KLF12: variants seen among roughly 807,000 people sequenced by gnomAD.
The protein encoded by KLF12 is KLF transcription factor 12.
In KLF12, 9 loss-of-function variants were observed where a neutral mutation model predicts 37.8. The observed-to-expected ratio is 0.24, with a 90% CI of 0.14 to 0.42. KLF12 has a LOEUF of 0.42. Ranked by LOEUF, KLF12 falls within the 10% of genes least tolerant of loss-of-function variation. The pLI, the probability that KLF12 is intolerant of heterozygous loss-of-function variation, is 1.00. For synonymous variants in KLF12, 208 were observed against 202.1 expected (o/e 1.03, Z -0.25); for missense variants, 411 against 516.0 (o/e 0.80, Z 1.97).
intron 7 of KLF12, among the ~76,000 whole-genome samples, chr13:73,707,075 T>G (rs755885330): frequency 5.9e-5 from 9 of 152,184 alleles, no homozygotes; most frequent in Non-Finnish European, 1.0e-4. Context: ...TGGGTAGACA[T>G]GCATAGGAGC....
At chr13:73,896,910 T>G (rs1887795172) in intron 3 of KLF12, among the ~76,000 whole-genome samples, 1 of 152,180 alleles carries the variant, frequency 6.6e-6, no homozygotes, top group African/African-American at 2.4e-5. Flanking sequence ...TTCTGTGTTT[T>G]ATTATCCTAA....
At chr13:74,034,289 G>A (rs1291328044) in intron 1 of KLF12, among the ~76,000 whole-genome samples, 1 of 151,944 alleles carries the variant, frequency 6.6e-6, no homozygotes, top group African/African-American at 2.4e-5. Flanking sequence ...GGCTGGTCTT[G>A]AACTCCTTAC....
At chr13:73,836,607 T>A (rs1446904863) in intron 4 of KLF12, among the ~76,000 whole-genome samples, 1 of 152,170 alleles carries the variant, frequency 6.6e-6, no homozygotes, top group East Asian at 1.9e-4. Context: ...GAATAAGAAT[T>A]CCCTTGTAGC....
intron 2 of KLF12, among the ~76,000 whole-genome samples, chr13:73,985,530 G>C (rs746035642): frequency 2.6e-5 from 4 of 152,106 alleles, no homozygotes; most frequent in African/African-American, 4.8e-5. Context: ...CCAGGCTCAG[G>C]GTCCCAAACC....
chr13:73,948,937 T>A (rs1890544597), intron 2 of KLF12, among the ~76,000 whole-genome samples: 1 of 152,214 alleles, frequency 6.6e-6, no homozygotes, highest in Non-Finnish European at 1.5e-5. Flanking sequence ...GTCATTATCT[T>A]GGTAACAAAA....
intron 3 of KLF12, among the ~76,000 whole-genome samples, chr13:73,936,502 A>G (rs1315167155): frequency 6.6e-6 from 1 of 152,140 alleles, no homozygotes; most frequent in Non-Finnish European, 1.5e-5. Flanking sequence ...ATACACAGGA[A>G]GATAAGTACT....
intron 3 of KLF12, among the ~76,000 whole-genome samples, chr13:73,912,798 G>C (rs1300912205): frequency 1.3e-5 from 2 of 152,132 alleles, no homozygotes; most frequent in African/African-American, 2.4e-5. Flanking sequence ...AACTCTTTAA[G>C]CAACAACTTG....
intron 5 of KLF12, among the ~76,000 whole-genome samples, chr13:73,805,703 AG>A (rs1882569233): frequency 6.9e-6 from 1 of 144,672 alleles, no homozygotes; most frequent in African/African-American, 2.7e-5. Context: ...GAAGGAAGGA[AG>A]GAAGGAAGGG....
chr13:74,291,633 A>G, the KLF12 span, among the ~76,000 whole-genome samples: 2 of 152,246 alleles, frequency 1.3e-5, no homozygotes, highest in Non-Finnish European at 2.9e-5. Flanking sequence ...CTGGATTTTA[A>G]CCGGCAGAAA....
At chr13:73,998,446 T>C (rs531839882) in intron 1 of KLF12, among the ~76,000 whole-genome samples, 2 of 152,358 alleles carry the variant, frequency 1.3e-5, no homozygotes, top group South Asian at 2.1e-4. Context: ...GGTAATTTAG[T>C]TGCTCTGTTT....
chr13:74,048,533 C>A (rs1420325451), intron 1 of KLF12, among the ~76,000 whole-genome samples: 1 of 152,024 alleles, frequency 6.6e-6, no homozygotes, highest in Non-Finnish European at 1.5e-5. Context: ...AATATTAACA[C>A]CTAATTTCAC....
chr13:73,786,832 C>A (rs368262097), intron 5 of KLF12, among the ~76,000 whole-genome samples: 4 of 150,486 alleles, frequency 2.7e-5, no homozygotes, highest in African/African-American at 9.8e-5. Context: ...GGCTGAGGTG[C>A]GAGGAATGCT....
At chr13:73,907,242 C>T (rs926711718) in intron 3 of KLF12, among the ~76,000 whole-genome samples, 1 of 152,118 alleles carries the variant, frequency 6.6e-6, no homozygotes, top group Non-Finnish European at 1.5e-5. Flanking sequence ...CCTCCCCTGC[C>T]TGTTGGTCAA....
At chr13:73,789,278 A>T (rs1881524105) in intron 5 of KLF12, among the ~76,000 whole-genome samples, 1 of 152,198 alleles carries the variant, frequency 6.6e-6, no homozygotes, top group Non-Finnish European at 1.5e-5. Flanking sequence ...TCTCCATGTT[A>T]TCTGGACTTC....
chr13:74,005,684 C>T (rs1054990087), intron 1 of KLF12, among the ~76,000 whole-genome samples: 2 of 152,146 alleles, frequency 1.3e-5, no homozygotes, highest in South Asian at 2.1e-4. Flanking sequence ...ACATGAAAAG[C>T]GCAGCCATAC....
At chr13:73,976,368 T>C (rs1891522825) in intron 2 of KLF12, among the ~76,000 whole-genome samples, 1 of 152,162 alleles carries the variant, frequency 6.6e-6, no homozygotes, top group African/African-American at 2.4e-5. Flanking sequence ...TTGCTCAAGA[T>C]AGAAATTGAA....
At chr13:74,163,358 G>C in the KLF12 span, among the ~76,000 whole-genome samples, 1 of 152,102 alleles carries the variant, frequency 6.6e-6, no homozygotes, top group Non-Finnish European at 1.5e-5. Context: ...AATGGATAAA[G>C]AAAATGTGAT....
chr13:74,160,770 T>C, the KLF12 span, among the ~76,000 whole-genome samples: 1 of 152,200 alleles, frequency 6.6e-6, no homozygotes, highest in African/African-American at 2.4e-5. Flanking sequence ...GGAAGAATTC[T>C]GGGTAGCTGA....
At chr13:74,008,167 T>C (rs745702604) in intron 1 of KLF12, among the ~76,000 whole-genome samples, 30 of 152,240 alleles carry the variant, frequency 2.0e-4, no homozygotes, top group Non-Finnish European at 3.7e-4. Context: ...TTTTGCACTT[T>C]TTATTTCACT....
Sources: gnomAD v4.1 joint callset for allele counts (sites outside exome capture counted in the v4.1 genomes callset) on GRCh38, gnomAD v4.1.1 for gene constraint, MANE v1.5 for transcripts, NCBI Gene and HGNC (gene_info 2026-07-23, HGNC 2026-07-21) for gene names.